Variants in CHRM3 observed in about 807,000 individuals in gnomAD.
CHRM3 encodes cholinergic receptor muscarinic 3.
In CHRM3, 11 loss-of-function variants were observed where a neutral mutation model predicts 41.8. That is an observed-to-expected ratio of 0.26 (90% confidence interval 0.17 to 0.44). The LOEUF is 0.44. Ranked by LOEUF, CHRM3 falls within the 20% of genes least tolerant of loss-of-function variation. The probability of loss-of-function intolerance (pLI) is 1.00; values close to 1 mark genes in which losing one functional copy is unlikely to be tolerated. For missense variants in CHRM3, 571 were observed against 745.4 expected (o/e 0.77, Z 2.72); for synonymous variants, 297 against 301.4 (o/e 0.99, Z 0.15).
At chr1:239,900,344 G>A (rs1035710662) in intron 6 of CHRM3, among the ~76,000 whole-genome samples, 1 of 150,594 alleles carries the variant, frequency 6.6e-6, no homozygotes, top group African/African-American at 2.4e-5. Flanking sequence ...AACATTTGGT[G>A]ACTCTCATTT....
rs147071829 is a variant in CHRM3 at position 239,826,038 on chromosome 1, G to A, written c.-146-1214G>A. Among the ~76,000 whole-genome samples the A allele has an allele frequency of 1.0e-3, 157 of 152,262 alleles. 1 individual carries two copies. The highest frequency in any genetic ancestry group is 6.8e-3 in the Middle Eastern group (2 of 294). The stretch of plus-strand genomic sequence containing the variant: ...TCCAACAATAGAATGCTGGTTTCTG[G>A]GAACTGGGAAGAGGGAAAATGCAGA... On this transcript the variant is annotated intron_variant, in intron 5 of 6. Coordinates refer to ENST00000676153, the MANE Select transcript of CHRM3 (RefSeq NM_001375978.1).
At chr1:239,762,539 G>A (rs1274206073) in intron 5 of CHRM3, among the ~76,000 whole-genome samples, 1 of 152,042 alleles carries the variant, frequency 6.6e-6, no homozygotes, top group Non-Finnish European at 1.5e-5. Context: ...GTGATCATTG[G>A]GCCTGTGTTT....
intron 6 of CHRM3, among the ~76,000 whole-genome samples, chr1:239,865,689 G>T (rs76327833): frequency 6.6e-6 from 1 of 152,158 alleles, no homozygotes; most frequent in African/African-American, 2.4e-5. Context: ...AGAATCAAGG[G>T]TAGCAATATT....
intron 2 of CHRM3, among the ~76,000 whole-genome samples, chr1:239,537,072 CTGAT>C (rs1355598566): frequency 6.6e-5 from 10 of 152,020 alleles, no homozygotes; most frequent in African/African-American, 2.2e-4. Flanking sequence ...TATTCTTAGA[CTGAT>C]TGCCAATTTC....
In CHRM3 at chr1:239,769,016, C is replaced by A. The variant is rs1329273314; in HGVS notation, c.-146-58236C>A. Among the ~76,000 whole-genome samples the A allele has an allele frequency of 5.3e-5, 8 of 152,218 alleles. No homozygotes were observed. The East Asian group carries it at 1.5e-3, about 29-fold the overall frequency. ...CTGACCTCAAGTGATCCACCCACCT[C>A]GGCCTCCCCAAATGCTGGGTTTATA... On this transcript the variant is annotated intron_variant, in intron 5 of 6. Coordinates refer to ENST00000676153, the MANE Select transcript of CHRM3 (RefSeq NM_001375978.1).
chr1:239,536,257 T>A (rs902338007), intron 2 of CHRM3, among the ~76,000 whole-genome samples: 43 of 152,308 alleles, frequency 2.8e-4, no homozygotes, highest in African/African-American at 1.0e-3. Flanking sequence ...TTGAGGAGCA[T>A]GTGACTTGAA....
At chr1:239,903,183 C>G (rs936608933) in intron 6 of CHRM3, among the ~76,000 whole-genome samples, 3 of 152,126 alleles carry the variant, frequency 2.0e-5, no homozygotes, top group Non-Finnish European at 4.4e-5. Flanking sequence ...TGGGGGGGCT[C>G]TTCAGATTCA....
intron 6 of CHRM3, among the ~76,000 whole-genome samples, chr1:239,840,002 T>C (rs1323392341): frequency 6.6e-6 from 1 of 152,170 alleles, no homozygotes; most frequent in Non-Finnish European, 1.5e-5. Context: ...TTTTTATTAA[T>C]TAATTATTTT....
In CHRM3 at chr1:239,723,973, T is replaced by A. The variant is rs140127095; in HGVS notation, c.-147+45685T>A. ...AAACAAACTTCATTTTGTGAATGGG[T>A]ATATTTTGGCCCTGAGCTGACATTC... On this transcript the variant is annotated intron_variant, in intron 5 of 6. Transcript: ENST00000676153. 2.6e-3 allele frequency among the ~76,000 whole-genome samples: 397 copies of A among 152,004 alleles called. 1 individual carries two copies. Among genetic ancestry groups the A allele is most frequent in the Middle Eastern group, 0.01 (3 of 294 alleles).
At chr1:239,825,841 A>G (rs1053594266) in intron 5 of CHRM3, among the ~76,000 whole-genome samples, 1 of 152,126 alleles carries the variant, frequency 6.6e-6, no homozygotes, top group East Asian at 1.9e-4. Context: ...CAGCCTCCCA[A>G]AGTGCTGGGA....
chr1:239,805,630 ATGTGTG>A (rs5782101), intron 5 of CHRM3, among the ~76,000 whole-genome samples: 34 of 148,876 alleles, frequency 2.3e-4, no homozygotes, highest in South Asian at 4.3e-4. Context: ...GGTGGGGTGA[ATGTGTG>A]TGTGTGTGTG....
In CHRM3 at chr1:239,437,418, G is replaced by A. The variant is rs999106466; in HGVS notation, c.-521+50191G>A. Among the ~76,000 whole-genome samples the A allele has an allele frequency of 2.0e-5, 3 of 152,208 alleles. No individual in the cohort carries two copies. In the East Asian group the frequency reaches 5.8e-4, roughly 29 times the overall value. ...CACTGAACTATTTCTTGATGCCACT[G>A]TTGTTTCTTCCAGAACTCTAAAATT... is the stretch of plus-strand genomic sequence containing the variant. On this transcript the variant is annotated intron_variant, in intron 1 of 6. Coordinates refer to ENST00000676153, the MANE Select transcript of CHRM3 (RefSeq NM_001375978.1).
chr1:239,631,341 A>T (rs1048573578), intron 3 of CHRM3, among the ~76,000 whole-genome samples: 1 of 152,018 alleles, frequency 6.6e-6, no homozygotes, highest in South Asian at 2.1e-4. Context: ...ATCCCTCCAC[A>T]TGCACCTCTA....
intron 3 of CHRM3, among the ~76,000 whole-genome samples, chr1:239,607,034 T>A (rs1666406815): frequency 6.6e-6 from 1 of 152,216 alleles, no homozygotes; most frequent in South Asian, 2.1e-4. Flanking sequence ...TAAGTGAAAT[T>A]TATTTAAGTG....
rs201909469 is a variant in CHRM3, at chr1:239,553,388, A to G, written c.-313+7639A>G. On this transcript the variant is annotated intron_variant, in intron 3 of 6. Transcript: ENST00000676153. ...TATGCTTCCGTGGGAACCAATGTGC[A>G]TACAAATGAGAATCTATATCTATTT... 3.1e-4 allele frequency among the ~76,000 whole-genome samples: 47 copies of G among 152,210 alleles called. No individual in the cohort carries two copies. The East Asian group carries it at 7.9e-3, about 26-fold the overall frequency.
chr1:239,813,014 T>A (rs1482137402), intron 5 of CHRM3, among the ~76,000 whole-genome samples: 1 of 152,240 alleles, frequency 6.6e-6, no homozygotes, highest in Non-Finnish European at 1.5e-5. Flanking sequence ...CCACAGTGGC[T>A]CATGCCTGTA....
At chr1:239,495,763 C>T (rs984319319) in intron 2 of CHRM3, among the ~76,000 whole-genome samples, 3 of 152,078 alleles carry the variant, frequency 2.0e-5, no homozygotes, top group African/African-American at 4.8e-5. Flanking sequence ...AAGTTTCCAG[C>T]GTTTAGTAAG....
At chr1:239,794,824 T>G (rs1015019341) in intron 5 of CHRM3, among the ~76,000 whole-genome samples, 2 of 152,212 alleles carry the variant, frequency 1.3e-5, no homozygotes, top group Admixed American at 6.5e-5. Context: ...TTCTGTTACT[T>G]ATTTTCAAGA....
chr1:239,874,314 T>TATAG (rs1676920246), intron 6 of CHRM3, among the ~76,000 whole-genome samples: 2 of 23,926 alleles, frequency 8.4e-5, no homozygotes, highest in Non-Finnish European at 2.1e-4. Context: ...TATATATATA[T>TATAG]ATATATATAT....
Sources: gnomAD v4.1 joint callset for allele counts (sites outside exome capture counted in the v4.1 genomes callset) on GRCh38, gnomAD v4.1.1 for gene constraint, MANE v1.5 for transcripts, NCBI Gene and HGNC (gene_info 2026-07-23, HGNC 2026-07-21) for gene names.